Variants in ABI3BP observed in about 807,000 individuals in gnomAD.
ABI3BP encodes the protein target of Nesh-SH3.
Under a neutral mutation model 268.6 loss-of-function variants are expected in ABI3BP, and 216 were observed. The ratio of observed to expected loss-of-function variants is 0.80; its 90% CI spans 0.72 to 0.90. The LOEUF is 0.90. ABI3BP is among the 40% of genes least tolerant of loss of function. The pLI, the probability that ABI3BP is intolerant of heterozygous loss-of-function variation, is 0.00. For missense variants in ABI3BP, 2,090 were observed against 2,182.4 expected, an observed-to-expected ratio of 0.96 and a Z score of 0.84; for synonymous variants, 730 against 730.0, an observed-to-expected ratio of 1.00 and a Z score of 0.00.
rs373504806 is a variant in ABI3BP, at chr3:100,993,373, A to G, written c.12T>C (p.Ser4=). The part of the protein sequence containing the change: MLS[S]LGCLLLCGSI... ...TTCCACAGAGAAGTAGACACCCCAAACTGGAGAGCATGTTGCATTTGCCAC... is the reference window on the plus strand; with the variant it reads ...TTCCACAGAGAAGTAGACACCCCAAGCTGGAGAGCATGTTGCATTTGCCAC... Residue 4 remains serine, a synonymous_variant, in exon 1 of 68, where the codon AGT becomes AGC. Transcript: ENST00000471714. 1.7e-4 allele frequency: 258 copies of G among 1,552,920 alleles called. No homozygotes were observed. Among genetic ancestry groups the G allele is most frequent in the Non-Finnish European group, 2.2e-4 (251 of 1,147,612 alleles).
intron 1 of ABI3BP, among the ~76,000 whole-genome samples, chr3:100,935,515 A>G (rs1233005695): frequency 6.6e-6 from 1 of 152,168 alleles, no homozygotes; most frequent in African/African-American, 2.4e-5. Flanking sequence ...TTCTGTGAAG[A>G]AAGTCAATGG....
chr3:100,988,999 C>T (rs2092462580), intron 1 of ABI3BP, among the ~76,000 whole-genome samples: 1 of 152,136 alleles, frequency 6.6e-6, no homozygotes, highest in South Asian at 2.1e-4. Flanking sequence ...GTGTTCCCTC[C>T]AAAATTCAGG....
At chr3:100,936,438 T>C (rs1400018374) in intron 1 of ABI3BP, among the ~76,000 whole-genome samples, 4 of 152,100 alleles carry the variant, frequency 2.6e-5, no homozygotes, top group African/African-American at 9.7e-5. Flanking sequence ...TGAAATTTTC[T>C]TTTTTTGTTG....
At chr3:100,851,852 C>A in intron 15 of ABI3BP, 23 bp downstream of exon 15, 1 of 1,560,406 alleles carries the variant, frequency 6.4e-7, no homozygotes, top group Admixed American at 2.0e-5. Flanking sequence ...GATCCAAAGA[C>A]AGAATTGAGA....
intron 63 of ABI3BP, among the ~76,000 whole-genome samples, chr3:100,758,259 C>G (rs1291899377): frequency 3.3e-5 from 5 of 152,108 alleles, no homozygotes; most frequent in Non-Finnish European, 5.9e-5. Context: ...TCAGTTTACT[C>G]TTACATAAAA....
At chr3:100,965,146 C>T (rs1438674793) in intron 1 of ABI3BP, among the ~76,000 whole-genome samples, 1 of 152,180 alleles carries the variant, frequency 6.6e-6, no homozygotes, top group Non-Finnish European at 1.5e-5. Context: ...CATAAGCCAA[C>T]TCTTTTCAGT....
chr3:100,828,168 C>T (rs2098422432), intron 34 of ABI3BP, among the ~76,000 whole-genome samples: 1 of 152,158 alleles, frequency 6.6e-6, no homozygotes, highest in South Asian at 2.1e-4. Context: ...ATAGAGAACT[C>T]TGGTTAAGCC....
chr3:100,755,579 C>T (rs1324962301), intron 63 of ABI3BP, among the ~76,000 whole-genome samples: 3 of 152,170 alleles, frequency 2.0e-5, no homozygotes, highest in Non-Finnish European at 2.9e-5. Context: ...ACCCTAGGTC[C>T]CTTGGAATTA....
chr3:100,833,081 T>A (rs547419759), intron 30 of ABI3BP, 44 bp downstream of exon 30: 1 of 1,503,864 alleles, frequency 6.6e-7, no homozygotes, highest in Non-Finnish European at 8.9e-7. Flanking sequence ...AATCTGACAA[T>A]GAGTAAGAAA....
intron 65 of ABI3BP, 44 bp from the exon 66 acceptor site, chr3:100,752,992 T>A (rs746490370): frequency 6.5e-7 from 1 of 1,531,296 alleles, no homozygotes; most frequent in Non-Finnish European, 8.8e-7. Context: ...GACTCTTGGG[T>A]CAGATACTTC....
chr3:100,778,197 G>C (rs183364487), intron 59 of ABI3BP, 87 bp downstream of exon 59: 41 of 1,281,870 alleles, frequency 3.2e-5, no homozygotes, highest in Non-Finnish European at 4.6e-5. Context: ...TCAATAGTGT[G>C]CCTGTTGCTA....
rs188259003 is a variant in ABI3BP, at chr3:100,971,608, G to A, written c.79+21698C>T. Among the ~76,000 whole-genome samples the A allele has an allele frequency of 1.5e-3, 226 of 152,262 alleles. 1 individual carries two copies. The highest frequency in any genetic ancestry group is 5.3e-3 in the African/African-American group (221 of 41,556). ...AGGGTGGCCCCCAAAGACAAAACGT[G>A]CTTCCACTCTTCCACTTTTATGCTC... On this transcript the variant is annotated intron_variant, in intron 1 of 67. Transcript: ENST00000471714.
chr3:100,749,285 T>C lies in ABI3BP; in HGVS notation c.*1210A>G. ...TGATTTTCCTTCTCGATAAAAGGTA[T>C]AGTTAACATACTGATGAACCATTCA... is the stretch of plus-strand genomic sequence containing the variant. On this transcript the variant is annotated 3_prime_UTR_variant, in exon 68 of 68. Transcript: ENST00000471714. 2 of 204,004 alleles carry C rather than the reference T, an allele frequency of 9.8e-6. No individual in the cohort carries two copies. The highest frequency in any genetic ancestry group is 2.0e-5 in the Non-Finnish European group (2 of 102,552). 12.6% of individuals were successfully genotyped at this position (204,004 alleles called of 1,614,324 possible). A position where few individuals can be genotyped will look rare whatever the true frequency, so the allele number is the denominator to read the frequency against.
intron 30 of ABI3BP, 27 bp downstream of exon 30, chr3:100,833,098 T>C (rs1183138656): frequency 6.5e-7 from 1 of 1,528,788 alleles, no homozygotes; most frequent in Admixed American, 2.0e-5. Context: ...GAAAAAGGAC[T>C]TGCTGAAGGA....
chr3:100,786,570 T>C (rs1017211922), intron 57 of ABI3BP, among the ~76,000 whole-genome samples: 4 of 152,150 alleles, frequency 2.6e-5, no homozygotes, highest in Non-Finnish European at 5.9e-5. Context: ...ATTTGCTTGG[T>C]TGACATCTAA....
chr3:100,986,511 T>C (rs1034060080), intron 1 of ABI3BP, among the ~76,000 whole-genome samples: 12 of 152,246 alleles, frequency 7.9e-5, no homozygotes, highest in African/African-American at 2.9e-4. Context: ...CTGTTGCACA[T>C]GTTGGAGTGC....
At chr3:100,754,815 CAT>C (rs1309541864) in intron 63 of ABI3BP, 124 bp from the exon 64 acceptor site, 2 of 778,494 alleles carry the variant, frequency 2.6e-6, no homozygotes, top group African/African-American at 1.7e-5. Flanking sequence ...TGAATGGTAA[CAT>C]ATGTTCCAGA....
intron 18 of ABI3BP, 24 bp from the exon 19 acceptor site, chr3:100,847,697 AT>A (rs757427360): frequency 9.4e-6 from 15 of 1,587,344 alleles, no homozygotes; most frequent in Non-Finnish European, 4.3e-6. Flanking sequence ...GGAAAAAAAT[AT>A]TGAAATATCC....
rs1344599637 is a variant in ABI3BP, at chr3:100,789,453, C to G, written c.4087+1G>C. 2 of 1,598,724 alleles carry G rather than the reference C, an allele frequency of 1.3e-6. No individual in the cohort carries two copies. Among genetic ancestry groups the G allele is most frequent in the Non-Finnish European group, 1.7e-6 (2 of 1,171,978 alleles). The stretch of plus-strand genomic sequence containing the variant: ...TTTAAGTCATCAGAGAAACAACTTA[C>G]CAGGTCTGATGTGTGGCTTGTCAGA... On this transcript the variant is annotated splice_donor_variant, in intron 56 of 67. Coordinates refer to ENST00000471714, the MANE Select transcript of ABI3BP (RefSeq NM_001375547.2). LOFTEE classifies it high-confidence loss of function.
Sources: allele counts gnomAD v4.1 joint callset (sites outside exome capture counted in the v4.1 genomes callset), GRCh38; gene constraint gnomAD v4.1.1; transcripts MANE v1.5; gene names NCBI Gene and HGNC (gene_info 2026-07-23, HGNC 2026-07-21).